UNC13C: variants seen among roughly 807,000 people sequenced by gnomAD.
UNC13C encodes unc-13 homolog C, also known as protein unc-13 homolog C.
UNC13C carries 174 observed loss-of-function variants against 245.4 expected under a neutral mutation model. That is an observed-to-expected ratio of 0.71 (90% CI 0.63 to 0.80). UNC13C has a LOEUF of 0.80. Among genes scored for constraint, UNC13C ranks in the 30% least tolerant of loss-of-function variants. The pLI is 0.00. For synonymous variants in UNC13C, 992 were observed against 895.1 expected (o/e 1.11, Z -1.93); for missense variants, 2,829 against 2,602.9 (o/e 1.09, Z -1.89).
intron 2 of UNC13C, among the ~76,000 whole-genome samples, chr15:54,058,251 T>C (rs1202866712): frequency 6.6e-6 from 1 of 151,794 alleles, no homozygotes; most frequent in Non-Finnish European, 1.5e-5. Context: ...AAGAATCAAA[T>C]AGACACAATA....
At chr15:54,222,673 T>C (rs1273793067) in intron 4 of UNC13C, among the ~76,000 whole-genome samples, 1 of 152,084 alleles carries the variant, frequency 6.6e-6, no homozygotes, top group Non-Finnish European at 1.5e-5. Flanking sequence ...TCCAAACTGA[T>C]CTCCATAGTG....
At chr15:54,565,403 T>C (rs757845377) in intron 29 of UNC13C, among the ~76,000 whole-genome samples, 2 of 151,996 alleles carry the variant, frequency 1.3e-5, no homozygotes, top group Non-Finnish European at 2.9e-5. Context: ...CTGTCAAGTA[T>C]TAAGGTGACT....
intron 17 of UNC13C, among the ~76,000 whole-genome samples, chr15:54,358,906 A>T (rs887583688): frequency 6.6e-6 from 1 of 152,012 alleles, no homozygotes; most frequent in African/African-American, 2.4e-5. Flanking sequence ...CTTAGAGACA[A>T]ATGCTCCCAA....
At chr15:54,435,659 C>T (rs913143504) in intron 19 of UNC13C, among the ~76,000 whole-genome samples, 1 of 151,380 alleles carries the variant, frequency 6.6e-6, no homozygotes, top group Non-Finnish European at 1.5e-5. Flanking sequence ...GTGCAGCAAA[C>T]CACCATGGCA....
At chr15:53,905,071 C>A in the UNC13C span, among the ~76,000 whole-genome samples, 1 of 152,058 alleles carries the variant, frequency 6.6e-6, no homozygotes, top group African/African-American at 2.4e-5. Context: ...GAATGCATAA[C>A]ACACGAAACT....
chr15:53,869,076 T>TC, the UNC13C span, among the ~76,000 whole-genome samples: 1 of 152,094 alleles, frequency 6.6e-6, no homozygotes, highest in Non-Finnish European at 1.5e-5. Flanking sequence ...GCCACTGCAC[T>TC]CCAGTATGGG....
intron 2 of UNC13C, among the ~76,000 whole-genome samples, chr15:54,129,343 C>T (rs904880603): frequency 1.8e-4 from 28 of 152,150 alleles, no homozygotes; most frequent in Non-Finnish European, 3.2e-4. Flanking sequence ...AATCTTATCA[C>T]ATACTTTCTT....
intron 29 of UNC13C, among the ~76,000 whole-genome samples, chr15:54,564,536 C>T (rs148198219): frequency 6.6e-6 from 1 of 152,128 alleles, no homozygotes; most frequent in East Asian, 1.9e-4. Context: ...GCTTTCATAG[C>T]TTAACTCTTT....
chr15:54,574,402 TA>T (rs976063543), intron 30 of UNC13C, among the ~76,000 whole-genome samples: 5 of 151,994 alleles, frequency 3.3e-5, no homozygotes, highest in Admixed American at 2.0e-4. Flanking sequence ...ACAATGTTAC[TA>T]AAAAAAAGGT....
intron 13 of UNC13C, among the ~76,000 whole-genome samples, chr15:54,303,137 T>A (rs1221761300): frequency 6.6e-6 from 1 of 152,182 alleles, no homozygotes; most frequent in Non-Finnish European, 1.5e-5. Context: ...TCATCATCCC[T>A]TGTTCATCCA....
At chr15:54,094,553 G>A (rs1252909332) in intron 2 of UNC13C, among the ~76,000 whole-genome samples, 1 of 152,080 alleles carries the variant, frequency 6.6e-6, no homozygotes, top group Non-Finnish European at 1.5e-5. Context: ...ACAACTGTTT[G>A]TCTTCTACTG....
chr15:54,205,100 A>G (rs2034665650), intron 4 of UNC13C, among the ~76,000 whole-genome samples: 1 of 152,040 alleles, frequency 6.6e-6, no homozygotes, highest in Non-Finnish European at 1.5e-5. Flanking sequence ...TTAAAAATAT[A>G]GATTTTATGA....
At chr15:54,367,783 T>G (rs750728219) in intron 17 of UNC13C, among the ~76,000 whole-genome samples, 1 of 152,128 alleles carries the variant, frequency 6.6e-6, no homozygotes, top group Non-Finnish European at 1.5e-5. Context: ...TCTGTGATGG[T>G]AGATATATTT....
chr15:53,847,091 A>G, the UNC13C span, among the ~76,000 whole-genome samples: 1 of 152,170 alleles, frequency 6.6e-6, no homozygotes, highest in Non-Finnish European at 1.5e-5. Flanking sequence ...AACAAAAAAC[A>G]ACAAATGCTC....
In UNC13C at chr15:54,333,572, A is replaced by G. The variant is rs1567194674; in HGVS notation, c.4495-195A>G. Reference sequence around the variant, plus strand: ...TAGAAGAGTGCAGCTTTCCAAGAGTAAAAATATAATATTTCCAAATTGTTT... The same window carrying G: ...TAGAAGAGTGCAGCTTTCCAAGAGTGAAAATATAATATTTCCAAATTGTTT... On this transcript the variant is annotated intron_variant, in intron 15 of 32. Transcript: ENST00000260323. 2.0e-5 allele frequency among the ~76,000 whole-genome samples: 3 copies of G among 152,106 alleles called. No individual in the cohort carries two copies. In the South Asian group the frequency reaches 6.2e-4, roughly 32 times the overall value.
intron 4 of UNC13C, 92 bp downstream of exon 4, chr15:54,143,776 A>C: frequency 1.1e-6 from 1 of 876,470 alleles, no homozygotes; most frequent in Non-Finnish European, 1.8e-6. Flanking sequence ...AAGATGCTGC[A>C]TGATTAGCTA....
chr15:53,991,491 C>T (rs533802372), intron 1 of UNC13C, among the ~76,000 whole-genome samples: 4 of 151,976 alleles, frequency 2.6e-5, no homozygotes, highest in Non-Finnish European at 5.9e-5. Flanking sequence ...GGTGCTCAAC[C>T]TTTGTCTCAG....
At chr15:54,545,662 C>G (rs994468274) in intron 26 of UNC13C, among the ~76,000 whole-genome samples, 4 of 152,190 alleles carry the variant, frequency 2.6e-5, no homozygotes, top group Admixed American at 6.5e-5. Flanking sequence ...TGAACAGACA[C>G]TTCTCAAAAG....
chr15:54,250,749 C>CTTTTTTTTTTTTTTTTTTTTTTTTT (rs1296024773), intron 8 of UNC13C, among the ~76,000 whole-genome samples: 6 of 88,870 alleles, frequency 6.8e-5, no homozygotes, highest in Non-Finnish European at 1.1e-4. Context: ...TTCTTTCTTT[C>CTTTTTTTTTTTTTTTTTTTTTTTTT]TTTTTTTTTT....
Sources: gnomAD v4.1 joint callset for allele counts (sites outside exome capture counted in the v4.1 genomes callset) on GRCh38, gnomAD v4.1.1 for gene constraint, MANE v1.5 for transcripts, NCBI Gene and HGNC (gene_info 2026-07-23, HGNC 2026-07-21) for gene names.